DNMBP: variants seen among roughly 807,000 people sequenced by gnomAD.
The protein encoded by DNMBP is dynamin binding protein.
DNMBP carries 87 observed loss-of-function variants against 150.0 expected under a neutral mutation model. The ratio of observed to expected loss-of-function variants is 0.58; its 90% CI spans 0.49 to 0.69. DNMBP has a LOEUF of 0.69. Among genes scored for constraint, DNMBP ranks in the 30% least tolerant of loss-of-function variants. The pLI is 0.00. For synonymous variants in DNMBP, 711 were observed against 750.4 expected, an observed-to-expected ratio of 0.95 and a Z score of 0.86; for missense variants, 1,774 against 1,949.0, an observed-to-expected ratio of 0.91 and a Z score of 1.69.
At chr10:99,992,648 TCC>T (rs1379720058) in intron 1 of DNMBP, among the ~76,000 whole-genome samples, 1 of 150,208 alleles carries the variant, frequency 6.7e-6, no homozygotes, top group Non-Finnish European at 1.5e-5. Flanking sequence ...TGCCTTAGCC[TCC>T]CGAGTAGCTG....
At chr10:99,979,517 G>C (rs929762272) in intron 1 of DNMBP, among the ~76,000 whole-genome samples, 1 of 152,106 alleles carries the variant, frequency 6.6e-6, no homozygotes, top group African/African-American at 2.4e-5. Flanking sequence ...GTGTTGTGTG[G>C]GAGATAAGTT....
At chr10:99,975,458 A>T (rs1444201366) in intron 1 of DNMBP, among the ~76,000 whole-genome samples, 1 of 152,282 alleles carries the variant, frequency 6.6e-6, no homozygotes, top group East Asian at 1.9e-4. Context: ...TACCTAGAAG[A>T]TGTTAATAAA....
In DNMBP at chr10:99,955,739, T is replaced by C. The variant is rs762099329; in HGVS notation, c.1735A>G (p.Ile579Val). The change falls in exon 4 of 17, where the codon ATC becomes GTC. Residue 579 changes from isoleucine (I) to valine (V), a missense_variant. Physicochemically the swap from Ile to Val is conservative, Grantham distance 29. This residue lies in a region of DNMBP where 1,430 missense variants were observed against 1,492.5 expected (regional missense o/e 0.96). Coordinates refer to ENST00000324109, the MANE Select transcript of DNMBP (RefSeq NM_015221.4). ...EPDKILRHFS[I>V]MDFNSEKDIV... The stretch of plus-strand genomic sequence containing the variant: ...TCCTTCTCAGAGTTAAAGTCCATGA[T>C]TGAAAAGTGGCGTAAAATTTTATCT... 3 of 1,614,242 alleles carry C rather than the reference T, an allele frequency of 1.9e-6. No homozygotes were observed. Among genetic ancestry groups the C allele is most frequent in the South Asian group, 2.2e-5 (2 of 91,084 alleles).
chr10:99,992,196 C>T (rs1221255726), intron 1 of DNMBP, among the ~76,000 whole-genome samples: 1 of 151,966 alleles, frequency 6.6e-6, no homozygotes, highest in Admixed American at 6.6e-5. Flanking sequence ...GCTGAGATCA[C>T]ACCACTGCAC....
intron 11 of DNMBP, among the ~76,000 whole-genome samples, chr10:99,891,618 C>G (rs943418245): frequency 2.6e-5 from 4 of 151,236 alleles, no homozygotes; most frequent in African/African-American, 9.8e-5. Flanking sequence ...TGAGGAGTGT[C>G]TCTGCCTGGC....
At position 99,972,573 on chromosome 10, in the gene DNMBP, A is replaced by T. The variant is rs185413950; in HGVS notation, c.-10-439T>A. On this transcript the variant is annotated intron_variant, in intron 1 of 16. Coordinates refer to ENST00000324109, the MANE Select transcript of DNMBP (RefSeq NM_015221.4). ...GGCATGCTCCACTGTACCTGGCCTC[A>T]TATTTTAAAATATCAAAGTTATTTC... is the stretch of plus-strand genomic sequence containing the variant. Among the ~76,000 whole-genome samples the T allele has an allele frequency of 2.6e-5, 4 of 151,380 alleles. No homozygotes were observed. In the East Asian group the frequency reaches 6.0e-4, roughly 23 times the overall value.
chr10:100,005,105 G>A (rs1011522832), intron 1 of DNMBP, among the ~76,000 whole-genome samples: 6 of 152,100 alleles, frequency 3.9e-5, no homozygotes, highest in African/African-American at 1.4e-4. Flanking sequence ...GGAAAGAGGC[G>A]AGTGCTGGTG....
At chr10:99,965,395 CTCT>C (rs2040610424) in intron 3 of DNMBP, among the ~76,000 whole-genome samples, 1 of 151,970 alleles carries the variant, frequency 6.6e-6, no homozygotes, top group South Asian at 2.1e-4. Flanking sequence ...TATATTTTTT[CTCT>C]TATTAATCCT....
intron 4 of DNMBP, chr10:99,930,967 TCTA>T: frequency 2.1e-6 from 1 of 475,768 alleles, no homozygotes. Flanking sequence ...AGCGAGCTAC[TCTA>T]TCTTTCTCCA....
intron 11 of DNMBP, among the ~76,000 whole-genome samples, chr10:99,893,389 T>G (rs1446810185): frequency 2.0e-5 from 3 of 152,244 alleles, no homozygotes; most frequent in Non-Finnish European, 2.9e-5. Context: ...AACAGGGGAC[T>G]AGTTAAATAT....
intron 10 of DNMBP, 67 bp from the exon 11 acceptor site, chr10:99,895,117 G>C: frequency 2.6e-6 from 2 of 768,508 alleles, no homozygotes; most frequent in Non-Finnish European, 4.0e-6. Context: ...GGCAAAAGTA[G>C]CTTGCTTTTT....
At chr10:99,925,771 A>G (rs558256320) in intron 4 of DNMBP, among the ~76,000 whole-genome samples, 8 of 152,278 alleles carry the variant, frequency 5.3e-5, no homozygotes, top group African/African-American at 1.9e-4. Context: ...GTCTATACAC[A>G]TACACATACA....
intron 6 of DNMBP, among the ~76,000 whole-genome samples, chr10:99,903,700 T>C (rs2039780165): frequency 6.6e-6 from 1 of 152,192 alleles, no homozygotes; most frequent in South Asian, 2.1e-4. Context: ...TACATTAGTC[T>C]GCCACCTTCT....
intron 6 of DNMBP, among the ~76,000 whole-genome samples, chr10:99,900,483 G>A (rs996990353): frequency 6.6e-6 from 1 of 151,848 alleles, no homozygotes; most frequent in Non-Finnish European, 1.5e-5. Flanking sequence ...CCAGGCTCAT[G>A]TATTTGTTTT....
rs532250520 is a variant in DNMBP, at chr10:100,002,130, A to C, written c.-11+7708T>G. Among the ~76,000 whole-genome samples, 115 of 152,280 alleles carry C rather than the reference A, an allele frequency of 7.6e-4. 2 individuals are homozygous for C. In the South Asian group the frequency reaches 0.021, roughly 28 times the overall value. ...GGGGTGATAGAAAATGATATAGTGC[A>C]ATGTTAAGTGCCCTCTCCTCCTCAA... is the stretch of plus-strand genomic sequence containing the variant. On this transcript the variant is annotated intron_variant, in intron 1 of 16. Transcript: ENST00000324109.
intron 1 of DNMBP, among the ~76,000 whole-genome samples, chr10:99,993,951 TA>T (rs1305105594): frequency 6.6e-6 from 1 of 152,230 alleles, no homozygotes; most frequent in Non-Finnish European, 1.5e-5. Context: ...CTTAATGTTT[TA>T]ATAGATACTT....
At position 99,969,216 on chromosome 10, in the gene DNMBP, A is replaced by C; in HGVS notation, c.167T>G (p.Val56Gly). 6.2e-7 allele frequency: 1 copy of C among 1,614,134 alleles called. No homozygotes were observed. The highest frequency in any genetic ancestry group is 8.5e-7 in the Non-Finnish European group (1 of 1,179,974). The change falls in exon 3 of 17, where the codon GTG (valine) becomes GGG (glycine). Residue 56 changes from valine (V) to glycine (G), a missense_variant. Coordinates refer to ENST00000324109, the MANE Select transcript of DNMBP (RefSeq NM_015221.4). The stretch of plus-strand genomic sequence containing the variant: ...TAGACTGGGAATGGTCACAATTTCC[A>C]CAAAACTGCTGGGGAATTGTCCTGA... ...DVTGQFPSSF[V>G]EIVTIPSLKE...
chr10:99,960,952 G>A (rs928215809), intron 3 of DNMBP, among the ~76,000 whole-genome samples: 3 of 151,762 alleles, frequency 2.0e-5, no homozygotes, highest in African/African-American at 7.3e-5. Context: ...ACTCCAGCCT[G>A]GGTGACAAAG....
At chr10:99,935,835 G>C (rs146142063) in intron 4 of DNMBP, among the ~76,000 whole-genome samples, 1 of 152,138 alleles carries the variant, frequency 6.6e-6, no homozygotes, top group Non-Finnish European at 1.5e-5. Flanking sequence ...GAAGTGCTGG[G>C]ATTGCAGGCG....
Sources: allele counts gnomAD v4.1 joint callset (sites outside exome capture counted in the v4.1 genomes callset), GRCh38; gene constraint gnomAD v4.1.1; regional missense constraint gnomAD v4.1.1; transcripts MANE v1.5; gene names NCBI Gene and HGNC (gene_info 2026-07-23, HGNC 2026-07-21).